Variants in UPP2 observed in about 807,000 individuals in gnomAD.
The protein encoded by UPP2 is uridine phosphorylase 2, also known as UPase 2.
A neutral mutation model predicts 26.7 loss-of-function variants in UPP2; 23 were observed. The observed-to-expected ratio is 0.86, with a 90% confidence interval of 0.62 to 1.22. The LOEUF is 1.22. UPP2 is among the 50% of genes most tolerant of loss of function. The probability of loss-of-function intolerance (pLI) is 0.00; values close to 1 mark genes in which losing one functional copy is unlikely to be tolerated. For synonymous variants in UPP2, 127 were observed against 141.3 expected, an observed-to-expected ratio of 0.90 and a Z score of 0.72; for missense variants, 387 against 396.7, an observed-to-expected ratio of 0.98 and a Z score of 0.21.
chr2:158,079,234 C>A (rs565393529), intron 3 of UPP2, among the ~76,000 whole-genome samples: 1 of 152,172 alleles, frequency 6.6e-6, no homozygotes, highest in East Asian at 1.9e-4. Context: ...TGAGAACGGA[C>A]TAACACATAC....
chr2:158,070,081 C>T (rs575549182), intron 3 of UPP2, among the ~76,000 whole-genome samples: 1 of 152,268 alleles, frequency 6.6e-6, no homozygotes, highest in South Asian at 2.1e-4. Flanking sequence ...TAGCTCAGCT[C>T]TAGGGATAGT....
intron 2 of UPP2, among the ~76,000 whole-genome samples, chr2:158,011,279 G>C (rs981336187): frequency 6.6e-6 from 1 of 152,186 alleles, no homozygotes; most frequent in Non-Finnish European, 1.5e-5. Flanking sequence ...AAGGACAGAG[G>C]AAATGGGTGA....
chr2:158,114,972 A>C, intron 2 of UPP2, 129 bp from the exon 3 acceptor site: 1 of 852,720 alleles, frequency 1.2e-6, no homozygotes, highest in Non-Finnish European at 1.6e-6. Context: ...CATGGAACAT[A>C]AACCATGACA....
At chr2:158,090,361 C>T (rs1380754451) in intron 3 of UPP2, among the ~76,000 whole-genome samples, 1 of 152,012 alleles carries the variant, frequency 6.6e-6, no homozygotes, top group Non-Finnish European at 1.5e-5. Flanking sequence ...ATTAGCCAGG[C>T]GTGGTGGTGG....
intron 2 of UPP2, among the ~76,000 whole-genome samples, chr2:158,109,879 A>C (rs1683275361): frequency 6.6e-6 from 1 of 152,218 alleles, no homozygotes; most frequent in Non-Finnish European, 1.5e-5. Context: ...CAGGATATAC[A>C]TTTCCGGGGA....
chr2:158,106,670 T>C (rs1265754532), intron 2 of UPP2, among the ~76,000 whole-genome samples: 1 of 152,190 alleles, frequency 6.6e-6, no homozygotes, highest in Non-Finnish European at 1.5e-5. Context: ...ATATTAAGAA[T>C]TTTGTTTCAT....
At chr2:158,097,556 A>C (rs547952681), upstream of UPP2, among the ~76,000 whole-genome samples, 32 of 152,296 alleles carry the variant, frequency 2.1e-4, no homozygotes, top group African/African-American at 7.0e-4. Flanking sequence ...CACAATTATT[A>C]AAACTTTTAC....
intron 3 of UPP2, among the ~76,000 whole-genome samples, chr2:158,034,792 C>T (rs900061238): frequency 2.0e-5 from 3 of 152,208 alleles, no homozygotes; most frequent in Admixed American, 6.5e-5. Context: ...GCAGCTTGTT[C>T]GAACTAGCCT....
At chr2:158,098,483 C>T (rs545700611), upstream of UPP2, among the ~76,000 whole-genome samples, 128 of 152,224 alleles carry the variant, frequency 8.4e-4, no homozygotes, top group African/African-American at 2.2e-3. Flanking sequence ...TCTCAGTGAG[C>T]GCATTCAAGG....
At chr2:158,108,810 C>T (rs1228158159) in intron 2 of UPP2, among the ~76,000 whole-genome samples, 1 of 151,884 alleles carries the variant, frequency 6.6e-6, no homozygotes, top group Non-Finnish European at 1.5e-5. Flanking sequence ...AAAAGACATG[C>T]TCTGTTTCAA....
chr2:158,095,761 C>T (rs554229571), intron 3 of UPP2, among the ~76,000 whole-genome samples: 29 of 152,094 alleles, frequency 1.9e-4, no homozygotes, highest in African/African-American at 7.0e-4. Context: ...CTATTAGCCA[C>T]TGTTGTTACT....
chr2:158,102,150 T>C, intron 1 of UPP2, 25 bp downstream of exon 1: 2 of 1,609,280 alleles, frequency 1.2e-6, no homozygotes, highest in Admixed American at 1.7e-5. Context: ...TTTTGTAAAT[T>C]TGTTTTGATC....
Position 158,038,069 on chromosome 2 carries a change from C to T in UPP2, c.147+22183C>T, listed in dbSNP as rs140147918. Among the ~76,000 whole-genome samples, 1,014 of 152,276 alleles carry T rather than the reference C, an allele frequency of 6.7e-3. 7 individuals are homozygous for T. Among genetic ancestry groups the T allele is most frequent in the Non-Finnish European group, 0.011 (782 of 68,026 alleles). On this transcript the variant is annotated intron_variant, in intron 3 of 9. Coordinates refer to the UPP2 transcript ENST00000605860. ...CCCATTTCTGCTCTGATTAGAATGT[C>T]AACAGTCGCCTAAAAGACAAAGGCT...
chr2:158,038,902 T>A (rs1684042550), intron 3 of UPP2, among the ~76,000 whole-genome samples: 1 of 152,178 alleles, frequency 6.6e-6, no homozygotes, highest in Admixed American at 6.5e-5. Flanking sequence ...ATAGGTTCCA[T>A]CGGGGCATCC....
rs1683907553 is a variant in UPP2 at position 158,135,125 on chromosome 2, T to C, written c.*235T>C. 2.4e-6 allele frequency: 1 copy of C among 413,310 alleles called. No homozygotes were observed. The highest frequency in any genetic ancestry group is 4.0e-6 in the Non-Finnish European group (1 of 249,620). 25.6% of individuals were successfully genotyped at this position (413,310 alleles called of 1,614,324 possible). Reference sequence around the variant, plus strand: ...AACTAAATCAGTCTAATAATTAAAATTTTAAAACTCCTGGATTATGACATT... The same window carrying C: ...AACTAAATCAGTCTAATAATTAAAACTTTAAAACTCCTGGATTATGACATT... On this transcript the variant is annotated 3_prime_UTR_variant, in exon 7 of 7. Coordinates refer to ENST00000005756, the MANE Select transcript of UPP2 (RefSeq NM_173355.4).
intron 3 of UPP2, among the ~76,000 whole-genome samples, chr2:158,057,809 AT>A (rs1682272334): frequency 6.6e-6 from 1 of 151,678 alleles, no homozygotes; most frequent in East Asian, 1.9e-4. Context: ...GCCATTAAAA[AT>A]TTTTGTAGAA....
intron 4 of UPP2, among the ~76,000 whole-genome samples, chr2:158,120,588 G>C (rs994206776): frequency 2.6e-5 from 4 of 152,156 alleles, no homozygotes; most frequent in African/African-American, 9.6e-5. Context: ...TGTTAGGACA[G>C]AGAGAGTCTA....
intron 3 of UPP2, among the ~76,000 whole-genome samples, chr2:158,095,947 C>T (rs13388942): frequency 0.023 from 3,527 of 152,190 alleles, 137 homozygotes; most frequent in African/African-American, 0.077. Context: ...TTTTGTTAGA[C>T]ACGCGGTGCC....
At chr2:158,047,700 T>TGTA (rs1334197259) in intron 3 of UPP2, among the ~76,000 whole-genome samples, 1 of 152,238 alleles carries the variant, frequency 6.6e-6, no homozygotes, top group African/African-American at 2.4e-5. Flanking sequence ...TATAAAGGAA[T>TGTA]GTAGCTTCAG....
Sources: gnomAD v4.1 joint callset for allele counts (sites outside exome capture counted in the v4.1 genomes callset) on GRCh38, gnomAD v4.1.1 for gene constraint, MANE v1.5 for transcripts, NCBI Gene and HGNC (gene_info 2026-07-23, HGNC 2026-07-21) for gene names.